The following SDK1 variants were observed in gnomAD, a reference collection of about 807,000 sequenced individuals.
The protein encoded by SDK1 is protein sidekick-1.
Under a neutral mutation model 245.5 loss-of-function variants are expected in SDK1, and 157 were observed. The observed-to-expected ratio is 0.64, with a 90% CI of 0.56 to 0.73. SDK1 has a LOEUF of 0.73. Among genes scored for constraint, SDK1 ranks in the 30% least tolerant of loss-of-function variants. SDK1 has a pLI of 0.00. For synonymous variants in SDK1, 1,647 were observed against 1,278.5 expected (o/e 1.29, Z -6.15); for missense variants, 3,583 against 3,002.3 (o/e 1.19, Z -4.52).
intron 43 of SDK1, among the ~76,000 whole-genome samples, chr7:4,243,529 C>T (rs968311805): frequency 2.0e-5 from 3 of 152,126 alleles, no homozygotes; most frequent in Non-Finnish European, 2.9e-5. Context: ...ACAATCATGG[C>T]GGAAGGCAAG....
At chr7:4,100,034 C>A (rs1313420048) in intron 22 of SDK1, among the ~76,000 whole-genome samples, 1 of 152,176 alleles carries the variant, frequency 6.6e-6, no homozygotes, top group Non-Finnish European at 1.5e-5. Context: ...GGCCTCATGC[C>A]CCAGAGATTT....
chr7:3,850,168 C>T (rs553833851), intron 5 of SDK1, among the ~76,000 whole-genome samples: 1 of 152,180 alleles, frequency 6.6e-6, no homozygotes, highest in African/African-American at 2.4e-5. Flanking sequence ...GGACCCACCC[C>T]CCTTCGAGTC....
chr7:3,442,723 A>C (rs184946034), intron 1 of SDK1, among the ~76,000 whole-genome samples: 1 of 152,246 alleles, frequency 6.6e-6, no homozygotes, highest in African/African-American at 2.4e-5. Context: ...TGCACTTGAT[A>C]TGTTTTGTTT....
intron 1 of SDK1, among the ~76,000 whole-genome samples, chr7:3,428,961 C>G (rs1461180171): frequency 1.3e-5 from 2 of 152,180 alleles, no homozygotes; most frequent in African/African-American, 4.8e-5. Flanking sequence ...ATGTTAATGA[C>G]TGGACCTTAA....
chr7:3,479,896 A>G (rs1781459455), intron 1 of SDK1, among the ~76,000 whole-genome samples: 1 of 151,658 alleles, frequency 6.6e-6, no homozygotes, highest in Non-Finnish European at 1.5e-5. Flanking sequence ...TCATTAAATG[A>G]GAGACCTCTA....
At chr7:3,401,668 T>TA (rs1270761251) in intron 1 of SDK1, among the ~76,000 whole-genome samples, 2 of 152,144 alleles carry the variant, frequency 1.3e-5, no homozygotes, top group Non-Finnish European at 2.9e-5. Flanking sequence ...TTTGGGCAGT[T>TA]ACATTACTTC....
intron 1 of SDK1, among the ~76,000 whole-genome samples, chr7:3,453,891 T>C (rs531853457): frequency 1.3e-5 from 2 of 152,264 alleles, no homozygotes; most frequent in South Asian, 4.1e-4. Flanking sequence ...AGAGACAGTA[T>C]TATTTCCTCC....
intron 1 of SDK1, among the ~76,000 whole-genome samples, chr7:3,357,326 GTGTTTTTTTTTTTTTTTTTTT>G (rs1462161108): frequency 1.4e-4 from 7 of 50,132 alleles, no homozygotes; most frequent in Middle Eastern, 0.015. Context: ...CCTTCTTTTA[GTGTTTTTTTTTTTTTTTTTTT>G]TTTTTTTTTT....
intron 5 of SDK1, among the ~76,000 whole-genome samples, chr7:3,880,773 G>A (rs941817300): frequency 6.6e-6 from 1 of 152,030 alleles, no homozygotes; most frequent in South Asian, 2.1e-4. Flanking sequence ...AGCAGTTCCC[G>A]GGCCTCCAGA....
At chr7:3,450,639 G>T (rs1334642702) in intron 1 of SDK1, among the ~76,000 whole-genome samples, 2 of 152,186 alleles carry the variant, frequency 1.3e-5, no homozygotes, top group Non-Finnish European at 2.9e-5. Context: ...TAAATGTTTG[G>T]AGGCTTTTAG....
rs181121087 is a variant in SDK1, at chr7:3,909,355, G to T, written c.848-41568G>T. 3.3e-5 allele frequency among the ~76,000 whole-genome samples: 5 copies of T among 152,318 alleles called. No individual in the cohort carries two copies. In the East Asian group the frequency reaches 9.6e-4, roughly 29 times the overall value. On this transcript the variant is annotated intron_variant, in intron 5 of 44. Coordinates refer to ENST00000404826, the MANE Select transcript of SDK1 (RefSeq NM_152744.4). ...GCGGGGCGGACACCCCATCTACTGT[G>T]CAGGCACTGCTGTTGGCTCCTGTGG...
rs148251982 is a variant in SDK1, at chr7:3,765,155, A to G, written c.714-56295A>G. 6.0e-3 allele frequency among the ~76,000 whole-genome samples: 910 copies of G among 152,268 alleles called. 28 individuals carry two copies. The highest frequency in any genetic ancestry group is 1.6e-3 in the Non-Finnish European group (112 of 68,018). Reference sequence around the variant, plus strand: ...CTGGTTTAGCTTGTACTAGAACAATATAAGTGAATTATATAGTGTGTGGCT... The same window carrying G: ...CTGGTTTAGCTTGTACTAGAACAATGTAAGTGAATTATATAGTGTGTGGCT... On this transcript the variant is annotated intron_variant, in intron 4 of 44. Coordinates refer to ENST00000404826, the MANE Select transcript of SDK1 (RefSeq NM_152744.4).
At chr7:4,103,817 G>A (rs750030812) in intron 22 of SDK1, among the ~76,000 whole-genome samples, 7 of 152,174 alleles carry the variant, frequency 4.6e-5, no homozygotes, top group Non-Finnish European at 8.8e-5. Flanking sequence ...GTGCCGTGGG[G>A]GTGGTGCGCT....
At position 3,974,473 on chromosome 7, in the gene SDK1, A is replaced by T; in HGVS notation, c.1922A>T (p.Asp641Val). The T allele has an allele frequency of 6.2e-7, 1 of 1,614,158 alleles. No homozygotes were observed. The highest frequency in any genetic ancestry group is 8.5e-7 in the Non-Finnish European group (1 of 1,180,020). ...SLLISQTWSG[D>V]IGDYSCEIVS... ...CTCATCAGCCAGACGTGGTCAGGCG[A>T]CATCGGTGACTACAGCTGCGAGATT... The change falls in exon 13 of 45, where the codon GAC becomes GTC. Residue 641 changes from aspartate (D) to valine (V), a missense_variant. Transcript: ENST00000404826.
intron 4 of SDK1, among the ~76,000 whole-genome samples, chr7:3,756,657 G>A (rs1361064417): frequency 2.6e-5 from 4 of 151,938 alleles, no homozygotes; most frequent in Admixed American, 2.6e-4. Context: ...CCTTGTGCGT[G>A]TAGTCATGTC....
At chr7:3,940,753 G>A (rs527852099) in intron 5 of SDK1, among the ~76,000 whole-genome samples, 1 of 152,156 alleles carries the variant, frequency 6.6e-6, no homozygotes, top group South Asian at 2.1e-4. Context: ...CCTGGGAGGT[G>A]GAGGTTGCAG....
intron 19 of SDK1, 91 bp from the exon 20 acceptor site, chr7:4,067,747 T>G: frequency 1.1e-6 from 1 of 902,352 alleles, no homozygotes; most frequent in East Asian, 2.6e-5. Flanking sequence ...GCTCACCACT[T>G]TCCTTCCATA....
chr7:3,982,448 A>G lies in SDK1; in HGVS notation c.1995-4738A>G, dbSNP rs570105223. 1.4e-4 allele frequency among the ~76,000 whole-genome samples: 22 copies of G among 152,366 alleles called. No individual in the cohort carries two copies. The South Asian group carries it at 2.3e-3, about 16-fold the overall frequency. On this transcript the variant is annotated intron_variant, in intron 13 of 44. Coordinates refer to ENST00000404826, the MANE Select transcript of SDK1 (RefSeq NM_152744.4). ...TCCCATTATTTAAGGAATATATTTC[A>G]TAAGACTATAGTTGCCATGGATGAT...
At chr7:3,533,803 C>A (rs1393507829) in intron 1 of SDK1, among the ~76,000 whole-genome samples, 2 of 151,848 alleles carry the variant, frequency 1.3e-5, no homozygotes, top group Non-Finnish European at 2.9e-5. Context: ...CCTTGTTTCA[C>A]GATAATTTTT....
Sources: gnomAD v4.1 joint callset for allele counts (sites outside exome capture counted in the v4.1 genomes callset) on GRCh38, gnomAD v4.1.1 for gene constraint, MANE v1.5 for transcripts, NCBI Gene and HGNC (gene_info 2026-07-23, HGNC 2026-07-21) for gene names.